MSRA: variants seen among roughly 807,000 people sequenced by gnomAD.
MSRA encodes mitochondrial peptide methionine sulfoxide reductase.
In MSRA, 54 loss-of-function variants were observed where a neutral mutation model predicts 31.3. That is an observed-to-expected ratio of 1.73 (90% CI 1.39 to 2.17). MSRA has a LOEUF of 2.17. MSRA is among the 30% of genes most tolerant of loss of function. The pLI is 0.00. For synonymous variants in MSRA, 169 were observed against 116.5 expected, an observed-to-expected ratio of 1.45 and a Z score of -2.90; for missense variants, 507 against 300.9, an observed-to-expected ratio of 1.69 and a Z score of -5.07.
chr8:10,365,471 C>T (rs538052744), intron 5 of MSRA, among the ~76,000 whole-genome samples: 37 of 152,308 alleles, frequency 2.4e-4, no homozygotes, highest in African/African-American at 8.4e-4. Flanking sequence ...AATTGACAAT[C>T]AGCCAGAATT....
At chr8:10,324,888 T>C (rs1802272694) in intron 5 of MSRA, among the ~76,000 whole-genome samples, 1 of 152,210 alleles carries the variant, frequency 6.6e-6, no homozygotes, top group Admixed American at 6.5e-5. Flanking sequence ...AGTCATAGGT[T>C]GATTCTGCAC....
At chr8:10,319,045 G>A (rs1285786285) in intron 4 of MSRA, among the ~76,000 whole-genome samples, 2 of 152,090 alleles carry the variant, frequency 1.3e-5, no homozygotes, top group Non-Finnish European at 2.9e-5. Context: ...CACTGATCAC[G>A]TGAACTTACC....
intron 5 of MSRA, among the ~76,000 whole-genome samples, chr8:10,370,158 C>T (rs962599318): frequency 5.9e-5 from 9 of 152,334 alleles, no homozygotes; most frequent in African/African-American, 2.2e-4. Flanking sequence ...TTCATTCCCT[C>T]AAGCCTGGTT....
In MSRA at chr8:10,324,488, C is replaced by T. The variant is rs144664079; in HGVS notation, c.543+4499C>T. On this transcript the variant is annotated intron_variant, in intron 5 of 5. Coordinates refer to ENST00000317173, the MANE Select transcript of MSRA (RefSeq NM_012331.5). Reference sequence around the variant, plus strand: ...GCCCATCAGAGTGCTGCACCGGGAGCTGCTCTCACCTTTTCCTGCCTGGAG... The same window carrying T: ...GCCCATCAGAGTGCTGCACCGGGAGTTGCTCTCACCTTTTCCTGCCTGGAG... Among the ~76,000 whole-genome samples, 11 of 152,274 alleles carry T rather than the reference C, an allele frequency of 7.2e-5. No homozygotes were observed. The East Asian group carries it at 2.1e-3, about 29-fold the overall frequency.
intron 1 of MSRA, among the ~76,000 whole-genome samples, chr8:10,057,232 A>G (rs549338283): frequency 1.4e-4 from 21 of 152,298 alleles, no homozygotes; most frequent in African/African-American, 4.8e-4. Context: ...GTTAGGGGGC[A>G]TCTGGGCAGT....
chr8:10,283,383 T>A (rs1327716013), intron 3 of MSRA, among the ~76,000 whole-genome samples: 10 of 152,164 alleles, frequency 6.6e-5, no homozygotes, highest in Admixed American at 6.5e-4. Context: ...TGCTTCGTGT[T>A]GTCCAGTTAG....
rs61518194 is a variant in MSRA, at chr8:10,291,460, C to G, written c.332-10074C>G. 2.0e-5 allele frequency among the ~76,000 whole-genome samples: 3 copies of G among 152,016 alleles called. No individual in the cohort carries two copies. The East Asian group carries it at 5.8e-4, about 29-fold the overall frequency. On this transcript the variant is annotated intron_variant, in intron 3 of 5. Transcript: ENST00000317173. ...ATAAAATGACAGTATAGACACTCCT[C>G]AAATCCTATAATGAACTCCACAGGG...
At chr8:10,063,448 G>T (rs761282095) in intron 1 of MSRA, among the ~76,000 whole-genome samples, 2 of 152,172 alleles carry the variant, frequency 1.3e-5, no homozygotes, top group Non-Finnish European at 2.9e-5. Context: ...CAGTGTTTCA[G>T]ATCTCCACTT....
rs182945002 is a variant in MSRA at position 10,279,583 on chromosome 8, C to T, written c.332-21951C>T. Among the ~76,000 whole-genome samples the T allele has an allele frequency of 1.6e-3, 245 of 152,264 alleles. 1 individual carries two copies. The highest frequency in any genetic ancestry group is 5.8e-3 in the African/African-American group (240 of 41,546). On this transcript the variant is annotated intron_variant, in intron 3 of 5. Transcript: ENST00000317173. ...CCGTTATATCAAAAACTTTTTTCCC[C>T]ATATGCATCCCCACCCCTAGCAAGG...
chr8:10,369,404 G>T (rs540307582), intron 5 of MSRA, among the ~76,000 whole-genome samples: 40 of 152,220 alleles, frequency 2.6e-4, no homozygotes, highest in African/African-American at 9.1e-4. Flanking sequence ...AGTACCCAAC[G>T]AAATCAAACA....
intron 3 of MSRA, among the ~76,000 whole-genome samples, chr8:10,299,466 C>G (rs1800725746): frequency 6.6e-6 from 1 of 152,060 alleles, no homozygotes; most frequent in South Asian, 2.1e-4. Context: ...CACTGTCATT[C>G]TTTTCATATC....
intron 3 of MSRA, among the ~76,000 whole-genome samples, chr8:10,262,716 T>C (rs1208981800): frequency 3.9e-5 from 6 of 152,192 alleles, no homozygotes; most frequent in Admixed American, 2.0e-4. Context: ...ACTGTGTGGG[T>C]TGGGCACTGG....
At chr8:10,072,929 T>C (rs1172632936) in intron 1 of MSRA, among the ~76,000 whole-genome samples, 1 of 152,240 alleles carries the variant, frequency 6.6e-6, no homozygotes, top group East Asian at 1.9e-4. Context: ...AAAATGCAGT[T>C]GATTTTGGGA....
chr8:10,101,103 G>A (rs563081984), intron 1 of MSRA, among the ~76,000 whole-genome samples: 1 of 152,242 alleles, frequency 6.6e-6, no homozygotes, highest in East Asian at 1.9e-4. Context: ...TTACCGTCTT[G>A]GGTTAGAGAT....
At chr8:10,372,042 T>G (rs1805507664) in intron 5 of MSRA, among the ~76,000 whole-genome samples, 1 of 152,230 alleles carries the variant, frequency 6.6e-6, no homozygotes, top group South Asian at 2.1e-4. Context: ...CCATATAATC[T>G]TAAGCATTTG....
chr8:10,156,300 C>G (rs77491984), intron 1 of MSRA, among the ~76,000 whole-genome samples: 2 of 152,250 alleles, frequency 1.3e-5, no homozygotes, highest in East Asian at 1.9e-4. Flanking sequence ...TATTGAATCA[C>G]CCTTTCCTTT....
intron 5 of MSRA, among the ~76,000 whole-genome samples, chr8:10,402,867 G>A (rs988956088): frequency 1.3e-5 from 2 of 152,200 alleles, no homozygotes; most frequent in Non-Finnish European, 2.9e-5. Context: ...GTACTGAAGG[G>A]TCCCAACATG....
intron 5 of MSRA, among the ~76,000 whole-genome samples, chr8:10,412,024 A>G (rs1222385437): frequency 6.6e-6 from 1 of 152,254 alleles, no homozygotes; most frequent in Non-Finnish European, 1.5e-5. Flanking sequence ...AGGAGTACTC[A>G]TTTAAAATTA....
intron 3 of MSRA, among the ~76,000 whole-genome samples, chr8:10,287,462 C>T (rs901725247): frequency 2.0e-5 from 3 of 152,198 alleles, no homozygotes; most frequent in African/African-American, 4.8e-5. Context: ...CATCATCCCA[C>T]GCTTACAGAG....
Sources: gnomAD v4.1 joint callset for allele counts (sites outside exome capture counted in the v4.1 genomes callset) on GRCh38, gnomAD v4.1.1 for gene constraint, MANE v1.5 for transcripts, NCBI Gene and HGNC (gene_info 2026-07-23, HGNC 2026-07-21) for gene names.